The following IPPK variants were observed in gnomAD, a reference collection of about 807,000 sequenced individuals.
IPPK encodes inositol-pentakisphosphate 2-kinase, also known as IPK1 homolog.
A neutral mutation model predicts 64.6 loss-of-function variants in IPPK; 22 were observed. That is an observed-to-expected ratio of 0.34 (90% CI 0.24 to 0.49). The LOEUF is 0.49. IPPK is among the 20% of genes least tolerant of loss of function. IPPK has a pLI of 0.99. For missense variants in IPPK, 532 were observed against 630.7 expected (o/e 0.84, Z 1.68); for synonymous variants, 262 against 247.2 (o/e 1.06, Z -0.56).
rs1467023700 is a variant in IPPK at position 92,613,362 on chromosome 9, G to A, written c.*2470C>T. 1.9e-6 allele frequency: 1 copy of A among 524,616 alleles called. No individual in the cohort carries two copies. The highest frequency in any genetic ancestry group is 3.6e-5 in the East Asian group (1 of 27,810). 32.5% of individuals were successfully genotyped at this position (524,616 alleles called of 1,614,324 possible). On this transcript the variant is annotated 3_prime_UTR_variant, in exon 13 of 13. Transcript: ENST00000287996. ...GCCAAATAAAAGTGACACGTACAAT[G>A]TGGTTTATAAAAATAAGCTTAACAT...
intron 1 of IPPK, among the ~76,000 whole-genome samples, chr9:92,658,992 C>A (rs1001235009): frequency 1.3e-5 from 2 of 152,196 alleles, no homozygotes; most frequent in Non-Finnish European, 2.9e-5. Context: ...CAGTGGCACA[C>A]ATTTCAGTGT....
At chr9:92,667,081 TG>T (rs1852615005) in intron 1 of IPPK, among the ~76,000 whole-genome samples, 1 of 152,164 alleles carries the variant, frequency 6.6e-6, no homozygotes. Flanking sequence ...GTAGAGGGGA[TG>T]GGGGTCAGCA....
chr9:92,669,749 G>A (rs912712262), intron 1 of IPPK, among the ~76,000 whole-genome samples, 159 bp downstream of exon 1: 2 of 152,036 alleles, frequency 1.3e-5, no homozygotes, highest in Admixed American at 1.3e-4. Flanking sequence ...CGGTAGGGGG[G>A]GATGCTGGAG....
At chr9:92,653,482 GACTT>G (rs1339969896) in intron 3 of IPPK, among the ~76,000 whole-genome samples, 3 of 152,280 alleles carry the variant, frequency 2.0e-5, no homozygotes, top group African/African-American at 7.2e-5. Context: ...AACAAAATAT[GACTT>G]ACTATAAACT....
chr9:92,669,406 C>G (rs1172706108), intron 1 of IPPK, among the ~76,000 whole-genome samples: 1 of 152,244 alleles, frequency 6.6e-6, no homozygotes, highest in Non-Finnish European at 1.5e-5. Flanking sequence ...ATTAACAGCA[C>G]AGCAATTCCG....
intron 4 of IPPK, among the ~76,000 whole-genome samples, chr9:92,650,500 TG>T (rs1852245074): frequency 6.6e-6 from 1 of 152,020 alleles, no homozygotes; most frequent in Non-Finnish European, 1.5e-5. Flanking sequence ...CAACAATGCC[TG>T]GTGAGCTTCC....
chr9:92,668,986 G>C (rs898626511), intron 1 of IPPK, among the ~76,000 whole-genome samples: 1 of 152,196 alleles, frequency 6.6e-6, no homozygotes, highest in Admixed American at 6.5e-5. Context: ...ATCTGTCCAA[G>C]GGATGACAAT....
At chr9:92,642,882 G>T in intron 6 of IPPK, 72 bp from the exon 7 acceptor site, 1 of 1,169,724 alleles carries the variant, frequency 8.5e-7, no homozygotes, top group Non-Finnish European at 1.3e-6. Flanking sequence ...TGAACACACA[G>T]AACAGCATCA....
intron 1 of IPPK, among the ~76,000 whole-genome samples, chr9:92,664,689 G>A (rs995808403): frequency 1.3e-5 from 2 of 152,212 alleles, no homozygotes; most frequent in African/African-American, 4.8e-5. Context: ...GGGCCACAGG[G>A]AACTGTGAGC....
At chr9:92,666,239 G>A (rs1347387320) in intron 1 of IPPK, among the ~76,000 whole-genome samples, 1 of 150,684 alleles carries the variant, frequency 6.6e-6, no homozygotes, top group Non-Finnish European at 1.5e-5. Flanking sequence ...GGGGCTCAGT[G>A]CCCCAGACAA....
intron 1 of IPPK, among the ~76,000 whole-genome samples, chr9:92,667,789 G>C (rs1051968283): frequency 6.6e-6 from 1 of 152,078 alleles, no homozygotes; most frequent in African/African-American, 2.4e-5. Context: ...TGTAATTCCA[G>C]CTACTTGGGA....
chr9:92,638,888 C>T (rs1851994835), intron 8 of IPPK, among the ~76,000 whole-genome samples: 1 of 152,344 alleles, frequency 6.6e-6, no homozygotes. Flanking sequence ...CTTAGATTCA[C>T]ACATTCCCAG....
intron 2 of IPPK, among the ~76,000 whole-genome samples, chr9:92,657,536 G>T (rs1038187052): frequency 3.3e-5 from 5 of 152,194 alleles, no homozygotes; most frequent in Admixed American, 1.3e-4. Context: ...CCTTGGGGGA[G>T]TCAAGGTTAG....
rs1851922433 is a variant in IPPK at position 92,635,381 on chromosome 9, C to A, written c.917-73G>T. ...ACGTGGAGGGAGACACAGGCCGGCG[C>A]AGACCGCAGGGCTCATCCTGGGCTC... On this transcript the variant is annotated intron_variant, in intron 9 of 12. Coordinates refer to ENST00000287996, the MANE Select transcript of IPPK (RefSeq NM_022755.6). The surrounding 1 kb of genome is among the most constrained non-coding windows in gnomAD (Gnocchi z 4.4). The A allele has an allele frequency of 6.6e-7, 1 of 1,507,922 alleles. No homozygotes were observed. The highest frequency in any genetic ancestry group is 9.0e-7 in the Non-Finnish European group (1 of 1,109,758). The allele number at this position is 1,507,922 out of a possible 1,614,324, so 93.4% of individuals were successfully genotyped here.
At chr9:92,652,063 T>C (rs1475144171) in intron 4 of IPPK, among the ~76,000 whole-genome samples, 1 of 152,034 alleles carries the variant, frequency 6.6e-6, no homozygotes, top group African/African-American at 2.4e-5. Flanking sequence ...TCATCACATA[T>C]TCTGTGCAGT....
At chr9:92,668,572 T>G (rs1387735329) in intron 1 of IPPK, among the ~76,000 whole-genome samples, 1 of 152,208 alleles carries the variant, frequency 6.6e-6, no homozygotes, top group African/African-American at 2.4e-5. Flanking sequence ...ACATCTAATC[T>G]TACCAAGGAA....
chr9:92,616,860 C>G (rs2131410760), intron 12 of IPPK: 1 of 152,314 alleles, frequency 6.6e-6, no homozygotes, highest in African/African-American at 2.4e-5. Context: ...TCAGTTCAGT[C>G]CAAGAGAAGT....
At chr9:92,646,914 A>G (rs1447476896) in intron 6 of IPPK, among the ~76,000 whole-genome samples, 1 of 152,214 alleles carries the variant, frequency 6.6e-6, no homozygotes, top group African/African-American at 2.4e-5. Flanking sequence ...ATAAAATTAG[A>G]AAAAGAATAA....
At chr9:92,646,875 C>T (rs572508736) in intron 6 of IPPK, among the ~76,000 whole-genome samples, 2 of 151,856 alleles carry the variant, frequency 1.3e-5, no homozygotes, top group East Asian at 1.9e-4. Flanking sequence ...GGGTGCAGAA[C>T]GAGACTCCGT....
Sources: allele counts gnomAD v4.1 joint callset (sites outside exome capture counted in the v4.1 genomes callset), GRCh38; gene constraint gnomAD v4.1.1; non-coding constraint Gnocchi (gnomAD v3.1); transcripts MANE v1.5; gene names NCBI Gene and HGNC (gene_info 2026-07-23, HGNC 2026-07-21).